Variants in IKZF1 observed in about 807,000 individuals in gnomAD.
The protein encoded by IKZF1 is DNA-binding protein Ikaros.
In IKZF1, 10 loss-of-function variants were observed where a neutral mutation model predicts 51.7. The observed-to-expected ratio is 0.19, with a 90% CI of 0.12 to 0.33. The LOEUF (loss-of-function observed/expected upper bound fraction) is 0.33. IKZF1 is among the 10% of genes least tolerant of loss of function. The pLI is 1.00. For synonymous variants in IKZF1, 280 were observed against 282.3 expected (o/e 0.99, Z 0.08); for missense variants, 484 against 707.5 (o/e 0.68, Z 3.58).
At chr7:50,353,663 C>T (rs540783451) in intron 3 of IKZF1, among the ~76,000 whole-genome samples, 2 of 152,332 alleles carry the variant, frequency 1.3e-5, no homozygotes, top group South Asian at 4.1e-4. Flanking sequence ...CCAGTAGATG[C>T]CACTTTTGCT....
At position 50,312,286 on chromosome 7, in the gene IKZF1, C is replaced by T. The variant is rs552350548; in HGVS notation, c.-14-6762C>T. Among the ~76,000 whole-genome samples, 8 of 152,266 alleles carry T rather than the reference C, an allele frequency of 5.3e-5. No individual in the cohort carries two copies. In the South Asian group the frequency reaches 6.2e-4, roughly 12 times the overall value. ...TTGACTGTGTATGCTTCTACCATGG[C>T]GGCTCAATAAACAGCAGTATTAGTT... is the stretch of plus-strand genomic sequence containing the variant. On this transcript the variant is annotated intron_variant, in intron 1 of 7. Coordinates refer to ENST00000331340, the MANE Select transcript of IKZF1 (RefSeq NM_006060.6).
intron 3 of IKZF1, among the ~76,000 whole-genome samples, chr7:50,353,727 G>A (rs954896703): frequency 3.9e-5 from 6 of 152,200 alleles, no homozygotes; most frequent in African/African-American, 9.6e-5. Flanking sequence ...TCTTTTCAGC[G>A]AATCTCTAGA....
At chr7:50,317,458 C>T (rs1791883109) in intron 1 of IKZF1, among the ~76,000 whole-genome samples, 1 of 152,118 alleles carries the variant, frequency 6.6e-6, no homozygotes, top group Non-Finnish European at 1.5e-5. Context: ...GTAAAGGTAC[C>T]TGAGACTCTT....
At chr7:50,340,841 C>T (rs1798901578) in intron 3 of IKZF1, among the ~76,000 whole-genome samples, 1 of 152,198 alleles carries the variant, frequency 6.6e-6, no homozygotes, top group African/African-American at 2.4e-5. Flanking sequence ...GTAGAGAATG[C>T]TGTGATCTAA....
chr7:50,307,481 C>T (rs1247421251), intron 1 of IKZF1, among the ~76,000 whole-genome samples: 1 of 152,214 alleles, frequency 6.6e-6, no homozygotes, highest in East Asian at 1.9e-4. Flanking sequence ...ACGCCTGCTT[C>T]TAGCGGCAGA....
intron 5 of IKZF1, 140 bp from the exon 6 acceptor site, chr7:50,387,205 A>C: frequency 8.1e-7 from 1 of 1,237,024 alleles, no homozygotes; most frequent in East Asian, 3.0e-5. Flanking sequence ...CAGGAATTTC[A>C]CCAAGTCCGT....
chr7:50,342,831 G>C (rs994359584), intron 3 of IKZF1, among the ~76,000 whole-genome samples: 3 of 152,218 alleles, frequency 2.0e-5, no homozygotes, highest in Non-Finnish European at 2.9e-5. Context: ...ACCTCCTGCT[G>C]CTAACCGCTG....
chr7:50,367,866 A>C, intron 3 of IKZF1: 1 of 602,206 alleles, frequency 1.7e-6, no homozygotes, highest in Non-Finnish European at 2.9e-6. Context: ...AAGGGCCAGC[A>C]ATAGCAGATG....
At position 50,323,762 on chromosome 7, in the gene IKZF1, C is replaced by T. The variant is rs376562294; in HGVS notation, c.41-3876C>T. ...TCTTAGGAAAAGTGTGGGAGCTTGACGCAATATATACCTTATGTTTCTATG... is the reference window on the plus strand; with the variant it reads ...TCTTAGGAAAAGTGTGGGAGCTTGATGCAATATATACCTTATGTTTCTATG... On this transcript the variant is annotated intron_variant, in intron 2 of 7. Coordinates refer to ENST00000331340, the MANE Select transcript of IKZF1 (RefSeq NM_006060.6). Among the ~76,000 whole-genome samples, 84 of 152,268 alleles carry T rather than the reference C, an allele frequency of 5.5e-4. 1 individual carries two copies. The highest frequency in any genetic ancestry group is 4.6e-3 in the East Asian group (24 of 5,184).
chr7:50,339,714 A>G (rs1410769812), intron 3 of IKZF1, among the ~76,000 whole-genome samples: 1 of 151,930 alleles, frequency 6.6e-6, no homozygotes, highest in Non-Finnish European at 1.5e-5. Flanking sequence ...AGATTGTGGC[A>G]CTGTACTCCA....
chr7:50,383,302 GT>G (rs1279592265), intron 5 of IKZF1, among the ~76,000 whole-genome samples: 1 of 152,158 alleles, frequency 6.6e-6, no homozygotes, highest in African/African-American at 2.4e-5. Context: ...GAATTAGACA[GT>G]TAAAGTACAA....
At chr7:50,398,238 CT>C (rs1562905963) in intron 7 of IKZF1, among the ~76,000 whole-genome samples, 1 of 152,206 alleles carries the variant, frequency 6.6e-6, no homozygotes, top group Non-Finnish European at 1.5e-5. Flanking sequence ...CCTCTTCAAG[CT>C]GTTCTTTCCA....
rs186809538 is a variant in IKZF1 at position 50,382,475 on chromosome 7, G to A, written c.422-65G>A. 40 of 1,512,864 alleles carry A rather than the reference G, an allele frequency of 2.6e-5. No homozygotes were observed. The East Asian group carries it at 3.1e-4, about 12-fold the overall frequency. 93.7% of individuals were successfully genotyped at this position (1,512,864 alleles called of 1,614,324 possible). On this transcript the variant is annotated intron_variant, in intron 4 of 7. Transcript: ENST00000331340. Reference sequence around the variant, plus strand: ...GGCCCCCGTGGGAAACAACTTTCTCGTAGCATCGTCCTCATGTCCCCACGC... The same window carrying A: ...GGCCCCCGTGGGAAACAACTTTCTCATAGCATCGTCCTCATGTCCCCACGC...
At chr7:50,383,045 C>T (rs1424733264) in intron 5 of IKZF1, among the ~76,000 whole-genome samples, 1 of 152,202 alleles carries the variant, frequency 6.6e-6, no homozygotes, top group East Asian at 1.9e-4. Context: ...AATGTTTTCA[C>T]CAAGTGTACT....
chr7:50,386,974 A>G (rs970469972), intron 5 of IKZF1, among the ~76,000 whole-genome samples: 3 of 152,198 alleles, frequency 2.0e-5, no homozygotes, highest in African/African-American at 7.2e-5. Context: ...TCTGCAGACA[A>G]TGTGGCCAAC....
chr7:50,371,954 T>TA (rs1326021471), intron 3 of IKZF1, among the ~76,000 whole-genome samples: 2 of 152,222 alleles, frequency 1.3e-5, no homozygotes, highest in Admixed American at 6.5e-5. Context: ...TTTTCACACT[T>TA]ACATGGGAAG....
chr7:50,345,591 G>A (rs1800152377), intron 3 of IKZF1, among the ~76,000 whole-genome samples: 3 of 152,206 alleles, frequency 2.0e-5, no homozygotes, highest in Non-Finnish European at 4.4e-5. Context: ...TGTGGCCCAG[G>A]CACTCTGCTA....
intron 3 of IKZF1, among the ~76,000 whole-genome samples, chr7:50,375,525 G>A (rs961694670): frequency 3.3e-5 from 5 of 151,972 alleles, no homozygotes; most frequent in Non-Finnish European, 5.9e-5. Flanking sequence ...TTATAGTGTT[G>A]GATTCACCAA....
intron 3 of IKZF1, among the ~76,000 whole-genome samples, chr7:50,359,089 G>T (rs1804428111): frequency 6.6e-6 from 1 of 151,960 alleles, no homozygotes; most frequent in Admixed American, 6.6e-5. Flanking sequence ...GTAAAACCCT[G>T]TCTCTACAAA....
Sources: allele counts gnomAD v4.1 joint callset (sites outside exome capture counted in the v4.1 genomes callset), GRCh38; gene constraint gnomAD v4.1.1; transcripts MANE v1.5; gene names NCBI Gene and HGNC (gene_info 2026-07-23, HGNC 2026-07-21).